PCDHGB7: variants seen among roughly 807,000 people sequenced by gnomAD.
PCDHGB7 encodes the protein protocadherin gamma subfamily B, 7, also known as protocadherin gamma-B7.
PCDHGB7 carries 37 observed loss-of-function variants against 61.4 expected under a neutral mutation model. The observed-to-expected ratio is 0.60, with a 90% CI of 0.46 to 0.79. PCDHGB7 has a LOEUF of 0.79. Among genes scored for constraint, PCDHGB7 ranks in the 30% least tolerant of loss-of-function variants. PCDHGB7 has a pLI of 0.00. For missense variants in PCDHGB7, 1,166 were observed against 1,202.5 expected (o/e 0.97, Z 0.45); for synonymous variants, 464 against 503.5 (o/e 0.92, Z 1.05).
chr5:141,458,701 C>A (rs1057501287), intron 1 of PCDHGB7, among the ~76,000 whole-genome samples: 3 of 152,088 alleles, frequency 2.0e-5, no homozygotes, highest in Non-Finnish European at 2.9e-5. Context: ...TCCCGAGTAG[C>A]TGGGATTACA....
In PCDHGB7 at chr5:141,485,472, C is replaced by T. The variant is rs1185020546; in HGVS notation, c.2416-9335C>T. On this transcript the variant is annotated intron_variant, in intron 1 of 3. Transcript: ENST00000398594. This position sits in a 1 kb window ranked among gnomAD's most constrained non-coding sequence, Gnocchi z 5.7. The stretch of plus-strand genomic sequence containing the variant: ...CGAGAGGCACTGTGTGGGCTCAGTG[C>T]CAGCTGCATCGTGCCCCTGGAGTTT... The T allele has an allele frequency of 3.1e-6, 5 of 1,614,138 alleles. No individual in the cohort carries two copies. In the South Asian group the frequency reaches 5.5e-5, roughly 18 times the overall value.
chr5:141,494,882 C>T lies in PCDHGB7; in HGVS notation c.2474+17C>T, dbSNP rs771484301. On this transcript the variant is annotated intron_variant, in intron 2 of 3. Transcript: ENST00000398594. ...CACCAGCGGGTAGGTGACTGATTCT[C>T]CAGCCCACCCTCTTCTCTGCGGCAT... is the stretch of plus-strand genomic sequence containing the variant. 35 of 1,614,128 alleles carry T rather than the reference C, an allele frequency of 2.2e-5. No homozygotes were observed. The highest frequency in any genetic ancestry group is 3.3e-4 in the Middle Eastern group (2 of 6,060).
At chr5:141,501,016 G>A (rs1042009106) in intron 2 of PCDHGB7, among the ~76,000 whole-genome samples, 7 of 151,716 alleles carry the variant, frequency 4.6e-5, no homozygotes, top group Non-Finnish European at 1.0e-4. Context: ...CTACAGGCAC[G>A]CGCCACCACG....
intron 2 of PCDHGB7, among the ~76,000 whole-genome samples, chr5:141,499,780 G>A (rs776654854): frequency 1.4e-5 from 2 of 145,766 alleles, no homozygotes; most frequent in Non-Finnish European, 3.0e-5. Flanking sequence ...TTCGCCTCCC[G>A]GGTTCAAGCA....
In PCDHGB7 at chr5:141,476,316, G is replaced by A. The variant is rs536532455; in HGVS notation, c.2416-18491G>A. On this transcript the variant is annotated intron_variant, in intron 1 of 3. Coordinates refer to ENST00000398594, the MANE Select transcript of PCDHGB7 (RefSeq NM_018927.4). This position sits in a 1 kb window ranked among gnomAD's most constrained non-coding sequence, Gnocchi z 7.6. ...GGTAGCCTCTCAGCCCGCAGGTTCC[G>A]GGTGGTGTCTGGAGCTAGCCGAAGA... is the stretch of plus-strand genomic sequence containing the variant. The A allele has an allele frequency of 6.2e-7, 1 of 1,614,176 alleles. No individual in the cohort carries two copies. The highest frequency in any genetic ancestry group is 1.7e-5 in the Admixed American group (1 of 60,028).
At chr5:141,500,190 TTA>T (rs551092091) in intron 2 of PCDHGB7, among the ~76,000 whole-genome samples, 3 of 110,960 alleles carry the variant, frequency 2.7e-5, no homozygotes, top group Non-Finnish European at 3.9e-5. Context: ...TTATTTTTAT[TTA>T]TTTATTTATT....
At position 141,476,903 on chromosome 5, in the gene PCDHGB7, G is replaced by C; in HGVS notation, c.2416-17904G>C. On this transcript the variant is annotated intron_variant, in intron 1 of 3. Transcript: ENST00000398594. The surrounding 1 kb of genome is among the most constrained non-coding windows in gnomAD (Gnocchi z 7.6). Reference sequence around the variant, plus strand: ...GGAGGATGCACCCTCCGGCACGCGCGTGGTACAAGTCCTTGCAACGGATCT... The same window carrying C: ...GGAGGATGCACCCTCCGGCACGCGCCTGGTACAAGTCCTTGCAACGGATCT... The C allele has an allele frequency of 1.2e-6, 2 of 1,614,018 alleles. No individual in the cohort carries two copies. Among genetic ancestry groups the C allele is most frequent in the Non-Finnish European group, 1.7e-6 (2 of 1,180,044 alleles).
chr5:141,421,741 C>A lies in PCDHGB7; in HGVS notation c.2415+1467C>A. 3 of 1,613,902 alleles carry A rather than the reference C, an allele frequency of 1.9e-6. No individual in the cohort carries two copies. The South Asian group carries it at 3.3e-5, about 18-fold the overall frequency. ...GGGCGTGAACTCCCTCCAGAGCTAC[C>A]AGCTCAGCCCTAATAATTACTTTTC... On this transcript the variant is annotated intron_variant, in intron 1 of 3. Transcript: ENST00000398594.
chr5:141,483,435 A>G (rs2099581280), intron 1 of PCDHGB7, among the ~76,000 whole-genome samples: 1 of 152,180 alleles, frequency 6.6e-6, no homozygotes, highest in Admixed American at 6.5e-5. Context: ...GGAGCTGACT[A>G]CAATAAAATC....
intron 1 of PCDHGB7, among the ~76,000 whole-genome samples, chr5:141,435,604 A>T (rs1361568996): frequency 6.6e-6 from 1 of 152,180 alleles, no homozygotes. Flanking sequence ...CCTGCTTTTT[A>T]CATTAAATTC....
At chr5:141,437,589 T>C (rs929281293) in intron 1 of PCDHGB7, among the ~76,000 whole-genome samples, 10 of 152,306 alleles carry the variant, frequency 6.6e-5, no homozygotes, top group African/African-American at 2.2e-4. Flanking sequence ...ATGAATTGGA[T>C]AGTTCTGGTG....
chr5:141,473,349 T>G (rs2099319716), intron 1 of PCDHGB7, among the ~76,000 whole-genome samples: 1 of 152,232 alleles, frequency 6.6e-6, no homozygotes, highest in Non-Finnish European at 1.5e-5. Context: ...ACAGTGAGGA[T>G]GCAAGTGGCC....
chr5:141,456,814 ATTAGCCATCGTGG>A (rs2098889077), intron 1 of PCDHGB7, among the ~76,000 whole-genome samples: 1 of 151,928 alleles, frequency 6.6e-6, no homozygotes, highest in Non-Finnish European at 1.5e-5. Context: ...AATACAAAAA[ATTAGCCATCGTGG>A]TAGTGGGCGC....
At chr5:141,481,879 A>G (rs1204365605) in intron 1 of PCDHGB7, among the ~76,000 whole-genome samples, 1 of 144,890 alleles carries the variant, frequency 6.9e-6, no homozygotes, top group Non-Finnish European at 1.5e-5. Context: ...GCGCCACTGC[A>G]CTCCAGCCTG....
intron 1 of PCDHGB7, chr5:141,422,397 C>A (rs753017439): frequency 6.3e-6 from 10 of 1,597,488 alleles, no homozygotes; most frequent in African/African-American, 2.7e-5. Context: ...TTCCTAACCA[C>A]CTGCCTTTTA....
chr5:141,420,934 C>A (rs2096533899), intron 1 of PCDHGB7: 2 of 377,936 alleles, frequency 5.3e-6, no homozygotes, highest in South Asian at 5.3e-5. Flanking sequence ...TGAGCGTAAT[C>A]ATTTCTTCTG....
Position 141,477,665 on chromosome 5 carries a change from G to T in PCDHGB7, c.2416-17142G>T, listed in dbSNP as rs753814499. ...CTATTTCACAATAAATCGTGACAAT[G>T]GCATAGTGTCATCCTTAGTGCCCCT... is the stretch of plus-strand genomic sequence containing the variant. On this transcript the variant is annotated intron_variant, in intron 1 of 3. Coordinates refer to ENST00000398594, the MANE Select transcript of PCDHGB7 (RefSeq NM_018927.4). The surrounding 1 kb of genome is among the most constrained non-coding windows in gnomAD (Gnocchi z 4.9). 6.2e-7 allele frequency: 1 copy of T among 1,614,182 alleles called. No individual in the cohort carries two copies. The highest frequency in any genetic ancestry group is 8.5e-7 in the Non-Finnish European group (1 of 1,180,038).
chr5:141,481,261 C>T lies in PCDHGB7; in HGVS notation c.2416-13546C>T, dbSNP rs2099534823. ...TACATAGCATAGCTCTAAAAGATCA[C>T]TGTAGGAAGACATAAAATGGTATTT... On this transcript the variant is annotated intron_variant, in intron 1 of 3. Coordinates refer to ENST00000398594, the MANE Select transcript of PCDHGB7 (RefSeq NM_018927.4). Among the ~76,000 whole-genome samples, 3 of 152,252 alleles carry T rather than the reference C, an allele frequency of 2.0e-5. No individual in the cohort carries two copies. The East Asian group carries it at 5.8e-4, about 29-fold the overall frequency.
intron 1 of PCDHGB7, chr5:141,427,507 T>A: frequency 1.7e-6 from 1 of 584,928 alleles, no homozygotes; most frequent in Non-Finnish European, 3.2e-6. Context: ...GATGGGACCC[T>A]GGATTGGGAG....
Sources: gnomAD v4.1 joint callset for allele counts (sites outside exome capture counted in the v4.1 genomes callset) on GRCh38, gnomAD v4.1.1 for gene constraint, Gnocchi (gnomAD v3.1) non-coding constraint, MANE v1.5 for transcripts, NCBI Gene and HGNC (gene_info 2026-07-23, HGNC 2026-07-21) for gene names.